Variants in POLE2 observed in about 807,000 individuals in gnomAD.
The protein encoded by POLE2 is DNA polymerase epsilon subunit 2.
Under a neutral mutation model 79.4 loss-of-function variants are expected in POLE2, and 56 were observed. That is an observed-to-expected ratio of 0.71 (90% confidence interval 0.57 to 0.88). The LOEUF is 0.88. POLE2 is among the 40% of genes least tolerant of loss of function. The probability of loss-of-function intolerance (pLI) is 0.00; values close to 1 mark genes in which losing one functional copy is unlikely to be tolerated. For missense variants in POLE2, 598 were observed against 638.9 expected (o/e 0.94, Z 0.69); for synonymous variants, 212 against 214.0 (o/e 0.99, Z 0.08).
At chr14:49,683,509 T>A (rs1886887947) in intron 2 of POLE2, 84 bp downstream of exon 2, 3 of 662,548 alleles carry the variant, frequency 4.5e-6, no homozygotes. Context: ...TAGTGAAGCC[T>A]CAACTTCAAT....
rs1162033821 is a variant in POLE2 at position 49,646,302 on chromosome 14, GTTTTTTTTTTTTTTTTTT to G, written c.1565+973_1565+990del. 4.8e-4 allele frequency among the ~76,000 whole-genome samples: 41 copies of G among 84,586 alleles called. 1 individual carries two copies. In the East Asian group the frequency reaches 0.022, roughly 45 times the overall value. 55.5% of individuals were successfully genotyped at this position (84,586 alleles called of 152,430 possible). A position where few individuals can be genotyped will look rare whatever the true frequency, so the allele number is the denominator to read the frequency against. On this transcript the variant is annotated intron_variant, in intron 18 of 18. Transcript: ENST00000216367. The stretch of plus-strand genomic sequence containing the variant: ...GATTTGGTCAGTTGTTTTTTTGTTG[GTTTTTTTTTTTTTTTTTT>G]TTTTTTTTTTTTTTTGAGATAGAGT...
chr14:49,654,519 T>C (rs1458889738), intron 13 of POLE2: 3 of 452,280 alleles, frequency 6.6e-6, no homozygotes, highest in Admixed American at 4.1e-5. Context: ...GTGACTATCA[T>C]ATCGGAGAGT....
intron 16 of POLE2, among the ~76,000 whole-genome samples, 190 bp from the exon 17 acceptor site, chr14:49,650,631 G>GA (rs1188272266): frequency 2.6e-5 from 4 of 151,940 alleles, no homozygotes; most frequent in South Asian, 2.1e-4. Context: ...TGTATTTTAG[G>GA]AAAAAAAATC....
Position 49,663,341 on chromosome 14 carries a change from T to TG in POLE2, c.728dup (p.Pro244ThrfsTer3). The TG allele has an allele frequency of 1.2e-6, 2 of 1,609,300 alleles. No homozygotes were observed. Among genetic ancestry groups the TG allele is most frequent in the Non-Finnish European group, 1.7e-6 (2 of 1,176,742 alleles). Reference sequence around the variant, plus strand: ...TAGTAGTACTAGAGGGCTCAGTGGGTGGAAATCCAAAGGCATTGACATGAA... The same window carrying TG: ...TAGTAGTACTAGAGGGCTCAGTGGGTGGGAAATCCAAAGGCATTGACATGAA... On this transcript the variant is annotated frameshift_variant, in exon 10 of 19. Transcript: ENST00000216367. LOFTEE classifies it high-confidence loss of function.
intron 8 of POLE2, 58 bp from the exon 9 acceptor site, chr14:49,664,732 C>T: frequency 9.6e-7 from 1 of 1,042,640 alleles, no homozygotes; most frequent in Admixed American, 1.8e-5. Flanking sequence ...AGTCAACATA[C>T]ATTTTGAGTC....
intron 18 of POLE2, among the ~76,000 whole-genome samples, chr14:49,644,020 T>C (rs867225633): frequency 6.6e-5 from 10 of 150,658 alleles, no homozygotes; most frequent in African/African-American, 2.4e-4. Flanking sequence ...GCTGAGATTA[T>C]AGGCACTTGC....
chr14:49,687,897 A>C (rs1018220922), intron 1 of POLE2, among the ~76,000 whole-genome samples: 1 of 151,914 alleles, frequency 6.6e-6, no homozygotes, highest in African/African-American at 2.4e-5. Context: ...ACGGGGCTTC[A>C]CCATGTTGGC....
intron 7 of POLE2, 53 bp from the exon 8 acceptor site, chr14:49,665,216 G>A (rs1484649437): frequency 3.9e-6 from 3 of 768,280 alleles, no homozygotes; most frequent in Admixed American, 4.6e-5. Context: ...GAAAACCGTT[G>A]ACAAAAAAAT....
intron 1 of POLE2, among the ~76,000 whole-genome samples, chr14:49,685,790 T>TTTTG (rs925922347): frequency 5.3e-5 from 7 of 132,260 alleles, no homozygotes; most frequent in African/African-American, 2.5e-4. Context: ...GGCTGGTTGG[T>TTTTG]TTTTTTTTTT....
intron 7 of POLE2, 94 bp downstream of exon 7, chr14:49,666,236 A>G: frequency 1.5e-6 from 1 of 688,090 alleles, no homozygotes; most frequent in African/African-American, 1.9e-5. Flanking sequence ...TTCAATAAAG[A>G]ATACATTCCT....
At chr14:49,673,668 A>T (rs1427778320) in intron 5 of POLE2, among the ~76,000 whole-genome samples, 3 of 152,208 alleles carry the variant, frequency 2.0e-5, no homozygotes, top group Non-Finnish European at 4.4e-5. Context: ...GCTACTTGAA[A>T]GTGGTAAAGT....
At chr14:49,659,529 AT>A (rs1339508077) in intron 10 of POLE2, among the ~76,000 whole-genome samples, 4 of 152,198 alleles carry the variant, frequency 2.6e-5, no homozygotes, top group African/African-American at 9.6e-5. Flanking sequence ...AAAATTTAAA[AT>A]TTTTTAAAGG....
At position 49,669,640 on chromosome 14, in the gene POLE2, T is replaced by C. The variant is rs55776763; in HGVS notation, c.418-42A>G. 9.4e-4 allele frequency: 953 copies of C among 1,016,272 alleles called. 18 individuals are homozygous for C. The East Asian group carries it at 0.02, about 21-fold the overall frequency. The allele number at this position is 1,016,272 out of a possible 1,614,324, so 63.0% of individuals were successfully genotyped here. A position where few individuals can be genotyped will look rare whatever the true frequency, so the allele number is the denominator to read the frequency against. ...TTCACATGAATTCCTGAAACAGACA[T>C]TTAAATATAAGATTCATTAAAATAG... is the stretch of plus-strand genomic sequence containing the variant. On this transcript the variant is annotated intron_variant, in intron 5 of 18. Transcript: ENST00000216367.
rs1338598586 is a variant in POLE2 at position 49,677,744 on chromosome 14, C to T, written c.245+1981G>A. On this transcript the variant is annotated intron_variant, in intron 3 of 18. Coordinates refer to ENST00000216367, the MANE Select transcript of POLE2 (RefSeq NM_002692.4). Reference sequence around the variant, plus strand: ...TGTGCAGAACCAACTCAGCATCCCACAAAGCCCCACGCATTCTTCAGGAGT... The same window carrying T: ...TGTGCAGAACCAACTCAGCATCCCATAAAGCCCCACGCATTCTTCAGGAGT... 4 of 1,358,830 alleles carry T rather than the reference C, an allele frequency of 2.9e-6. No homozygotes were observed. In the Admixed American group the frequency reaches 9.5e-5, roughly 32 times the overall value. The allele number at this position is 1,358,830 out of a possible 1,614,324, so 84.2% of individuals were successfully genotyped here.
chr14:49,652,593 G>A (rs1207587398), intron 15 of POLE2, among the ~76,000 whole-genome samples: 1 of 152,126 alleles, frequency 6.6e-6, no homozygotes, highest in Non-Finnish European at 1.5e-5. Flanking sequence ...TCTCACAGGA[G>A]CACGAATCCT....
At chr14:49,655,575 AATAGAAT>A in intron 11 of POLE2, 89 bp downstream of exon 11, 1 of 831,712 alleles carries the variant, frequency 1.2e-6, no homozygotes, top group Admixed American at 2.6e-5. Flanking sequence ...TTTTTTTTTA[AATAGAAT>A]ACTCAAAAAG....
Position 49,653,941 on chromosome 14 carries a change from A to C in POLE2, c.1211+49T>G, listed in dbSNP as rs746873000. The C allele has an allele frequency of 7.8e-6, 9 of 1,147,354 alleles. 1 individual carries two copies. 71.1% of individuals were successfully genotyped at this position (1,147,354 alleles called of 1,614,324 possible). The stretch of plus-strand genomic sequence containing the variant: ...CAGACATGAGCCACCACACCTGGCT[A>C]ATTTTTAAATGAAAGGAAAAATGTA... On this transcript the variant is annotated intron_variant, in intron 15 of 18. Transcript: ENST00000216367.
intron 11 of POLE2, 22 bp from the exon 12 acceptor site, chr14:49,655,116 G>A: frequency 8.3e-7 from 1 of 1,205,114 alleles, no homozygotes; most frequent in Non-Finnish European, 1.1e-6. Flanking sequence ...AAGAGTAAAT[G>A]AACAATACTT....
rs1555330539 is a variant in POLE2, at chr14:49,655,103, T to C, written c.929-9A>G. 1.4e-6 allele frequency: 2 copies of C among 1,398,068 alleles called. No homozygotes were observed. 86.6% of individuals were successfully genotyped at this position (1,398,068 alleles called of 1,614,324 possible). On this transcript the variant is annotated splice_polypyrimidine_tract_variant and intron_variant, in intron 11 of 18. Coordinates refer to ENST00000216367, the MANE Select transcript of POLE2 (RefSeq NM_002692.4). ...AGGTGCTGGTGAATAACCTAAACAA[T>C]AAAAGAGTAAATGAACAATACTTTT...
Sources: gnomAD v4.1 joint callset for allele counts (sites outside exome capture counted in the v4.1 genomes callset) on GRCh38, gnomAD v4.1.1 for gene constraint, MANE v1.5 for transcripts, NCBI Gene and HGNC (gene_info 2026-07-23, HGNC 2026-07-21) for gene names.